PTPRA: variants seen among roughly 807,000 people sequenced by gnomAD.
PTPRA encodes the protein receptor-type tyrosine-protein phosphatase alpha.
In PTPRA, 25 loss-of-function variants were observed where a neutral mutation model predicts 104.8. That is an observed-to-expected ratio of 0.24 (90% CI 0.17 to 0.33). PTPRA has a LOEUF of 0.33. PTPRA is among the 10% of genes least tolerant of loss of function. The pLI, the probability that PTPRA is intolerant of heterozygous loss-of-function variation, is 1.00. For missense variants in PTPRA, 765 were observed against 1,015.3 expected (o/e 0.75, Z 3.35); for synonymous variants, 323 against 368.9 (o/e 0.88, Z 1.43).
In PTPRA at chr20:3,038,083, G is replaced by A. The variant is rs374816023; in HGVS notation, c.2359G>A (p.Val787Met). Residue 787 changes from valine to methionine, a missense_variant, in exon 24 of 24, where the codon GTG becomes ATG. By Grantham distance (21) the Val-to-Met change is conservative. Around this residue, in one of 4 missense-constraint regions of PTPRA, gnomAD observed 72 missense variants for 140.7 expected, o/e 0.51. Coordinates refer to ENST00000399903, the MANE Select transcript of PTPRA (RefSeq NM_001385305.1). ...GGAACAGTATGAGTTCTGCTACAAG[G>A]TGGTGCAGGAGTATATTGATGCATT... ...TLEQYEFCYK[V>M]VQEYIDAFSD... 6.2e-7 allele frequency: 1 copy of A among 1,613,312 alleles called. No individual in the cohort carries two copies. Among genetic ancestry groups the A allele is most frequent in the Non-Finnish European group, 8.5e-7 (1 of 1,179,382 alleles).
chr20:2,923,670 G>A (rs1389221017), intron 2 of PTPRA, among the ~76,000 whole-genome samples: 1 of 151,960 alleles, frequency 6.6e-6, no homozygotes, highest in East Asian at 1.9e-4. Flanking sequence ...GTGGTGGCAT[G>A]TGCCTGTAAT....
intron 23 of PTPRA, 27 bp from the exon 24 acceptor site, chr20:3,038,032 A>T (rs1254664563): frequency 6.4e-7 from 1 of 1,573,012 alleles, no homozygotes; most frequent in East Asian, 2.2e-5. Flanking sequence ...AGTAACCCTG[A>T]CTTTTTCCCT....
Position 2,975,239 on chromosome 20 carries a change from G to A in PTPRA, c.440G>A (p.Arg147Lys). ...GGTAATTCTGACTCGAAGGACAGAA[G>A]AGGTGAGCTGCTCACCTTATATCTG... is the stretch of plus-strand genomic sequence containing the variant. ...PSGNSDSKDR[R>K]DETPIIAVMV... Residue 147 changes from arginine (R) to lysine (K), a missense_variant and splice_region_variant, in exon 6 of 24, where the codon AGA becomes AAA. Arg to Lys is a conservative substitution (Grantham distance 26). Transcript: ENST00000399903. 6.3e-7 allele frequency: 1 copy of A among 1,596,142 alleles called. No homozygotes were observed. Among genetic ancestry groups the A allele is most frequent in the Non-Finnish European group, 8.6e-7 (1 of 1,165,366 alleles).
chr20:3,015,936 G>T, intron 12 of PTPRA, 51 bp downstream of exon 12: 1 of 1,516,476 alleles, frequency 6.6e-7, no homozygotes, highest in Non-Finnish European at 9.1e-7. Context: ...ATCACATAAT[G>T]GGTTTGGTTT....
intron 6 of PTPRA, among the ~76,000 whole-genome samples, chr20:2,982,091 C>CTTTTTTTTT (rs11475103): frequency 7.3e-6 from 1 of 136,634 alleles, no homozygotes; most frequent in Non-Finnish European, 1.6e-5. Flanking sequence ...TCTTCTTCTT[C>CTTTTTTTTT]TTTTTTTTTT....
intron 13 of PTPRA, among the ~76,000 whole-genome samples, chr20:3,020,235 A>G (rs1420929464): frequency 6.6e-6 from 1 of 152,076 alleles, no homozygotes; most frequent in Non-Finnish European, 1.5e-5. Context: ...CAGCCTCCCG[A>G]GTACCACCCG....
chr20:2,942,271 G>A (rs1274670793), intron 2 of PTPRA, among the ~76,000 whole-genome samples: 1 of 152,044 alleles, frequency 6.6e-6, no homozygotes, highest in Non-Finnish European at 1.5e-5. Context: ...ATCAGGTTGT[G>A]GTATAATTAT....
chr20:3,023,950 G>A (rs1568704036), intron 16 of PTPRA, among the ~76,000 whole-genome samples: 1 of 152,234 alleles, frequency 6.6e-6, no homozygotes, highest in Non-Finnish European at 1.5e-5. Flanking sequence ...CACAGAGGAG[G>A]TTGTGGTTTC....
intron 1 of PTPRA, among the ~76,000 whole-genome samples, chr20:2,890,730 T>C (rs1568640981): frequency 6.6e-6 from 1 of 152,232 alleles, no homozygotes; most frequent in Non-Finnish European, 1.5e-5. Context: ...CCCTGAGTTA[T>C]GTGACACATT....
intron 11 of PTPRA, among the ~76,000 whole-genome samples, chr20:3,009,891 C>G (rs1313477175): frequency 6.6e-6 from 1 of 151,994 alleles, no homozygotes; most frequent in Non-Finnish European, 1.5e-5. Context: ...CCCCGACACC[C>G]AGGCTGGATT....
chr20:2,904,884 G>A (rs537620091), intron 1 of PTPRA, among the ~76,000 whole-genome samples: 1 of 152,158 alleles, frequency 6.6e-6, no homozygotes, highest in East Asian at 1.9e-4. Context: ...TGGGCTGTTT[G>A]GGGAAAAATA....
Position 2,887,391 on chromosome 20 carries a change from G to C in PTPRA, c.-129+13631G>C, listed in dbSNP as rs193194908. On this transcript the variant is annotated intron_variant, in intron 1 of 23. Coordinates refer to ENST00000399903, the MANE Select transcript of PTPRA (RefSeq NM_001385305.1). ...TGGAGAACGGACTGGGCAGGGTATA[G>C]AGACTTATTTGATGTTTATTAGAGC... 2.6e-5 allele frequency among the ~76,000 whole-genome samples: 4 copies of C among 152,290 alleles called. No individual in the cohort carries two copies. In the East Asian group the frequency reaches 7.7e-4, roughly 29 times the overall value.
intron 18 of PTPRA, 33 bp from the exon 19 acceptor site, chr20:3,027,088 T>C (rs1014843749): frequency 5.6e-6 from 9 of 1,604,884 alleles, no homozygotes; most frequent in Admixed American, 3.3e-5. Context: ...ACAAATGATA[T>C]TGGCTAGCCA....
chr20:2,864,670 G>A, the PTPRA span: 2 of 1,597,622 alleles, frequency 1.3e-6, no homozygotes, highest in East Asian at 2.2e-5. The surrounding 1 kb of genome is among the most constrained non-coding windows in gnomAD (Gnocchi z 5.2). Flanking sequence ...AGATCCATGG[G>A]GCGTGTGGGG....
At chr20:3,019,878 C>T (rs1216325718) in intron 13 of PTPRA, among the ~76,000 whole-genome samples, 1 of 152,154 alleles carries the variant, frequency 6.6e-6, no homozygotes, top group African/African-American at 2.4e-5. Flanking sequence ...TGGAGACCAG[C>T]CCGGCCAACA....
chr20:2,877,302 C>G (rs2089782020), intron 1 of PTPRA, among the ~76,000 whole-genome samples: 1 of 152,012 alleles, frequency 6.6e-6, no homozygotes, highest in Admixed American at 6.6e-5. Context: ...CTCTTGTTGC[C>G]CAGGCTGGAA....
chr20:2,901,645 A>G (rs1185399791), intron 1 of PTPRA, among the ~76,000 whole-genome samples: 4 of 152,278 alleles, frequency 2.6e-5, no homozygotes, highest in African/African-American at 9.6e-5. Context: ...TATATATGTT[A>G]TATGTATTAT....
At chr20:2,986,695 C>T in intron 6 of PTPRA, 70 bp from the exon 7 acceptor site, 1 of 1,331,684 alleles carries the variant, frequency 7.5e-7, no homozygotes, top group Non-Finnish European at 1.1e-6. Flanking sequence ...CAGGGTGTTG[C>T]CCTGAATGGC....
chr20:2,909,933 TA>T (rs1431452951), intron 1 of PTPRA, among the ~76,000 whole-genome samples: 1 of 129,910 alleles, frequency 7.7e-6, no homozygotes, highest in African/African-American at 3.0e-5. Context: ...TTGTTATATA[TA>T]ATATGTGTAA....
Sources: gnomAD v4.1 joint callset for allele counts (sites outside exome capture counted in the v4.1 genomes callset) on GRCh38, gnomAD v4.1.1 for gene constraint, gnomAD v4.1.1 regional missense constraint, Gnocchi (gnomAD v3.1) non-coding constraint, MANE v1.5 for transcripts, NCBI Gene and HGNC (gene_info 2026-07-23, HGNC 2026-07-21) for gene names.